BSDC1: variants seen among roughly 807,000 people sequenced by gnomAD.
The protein encoded by BSDC1 is BSD domain-containing protein 1.
In BSDC1, 29 loss-of-function variants were observed where a neutral mutation model predicts 56.0. That is an observed-to-expected ratio of 0.52 (90% CI 0.39 to 0.71). The LOEUF (loss-of-function observed/expected upper bound fraction) is 0.71, where lower values mean the gene tolerates loss of function less well. BSDC1 is among the 30% of genes least tolerant of loss of function. BSDC1 has a pLI of 0.00. For synonymous variants in BSDC1, 210 were observed against 215.3 expected, an observed-to-expected ratio of 0.98 and a Z score of 0.21; for missense variants, 477 against 548.5, an observed-to-expected ratio of 0.87 and a Z score of 1.30.
intron 9 of BSDC1, chr1:32,369,167 G>A (rs1364479890): frequency 1.2e-6 from 1 of 819,930 alleles, no homozygotes; most frequent in Non-Finnish European, 1.7e-6. Flanking sequence ...GAACACTGTA[G>A]GCTGTTAGAG....
chr1:32,384,667 C>T (rs1254188867), intron 3 of BSDC1, among the ~76,000 whole-genome samples: 2 of 152,122 alleles, frequency 1.3e-5, no homozygotes, highest in African/African-American at 4.8e-5. Flanking sequence ...CTGGGACCAA[C>T]TGAGGGTCAC....
intron 10 of BSDC1, chr1:32,367,789 C>T: frequency 1.1e-6 from 1 of 902,070 alleles, no homozygotes; most frequent in Non-Finnish European, 1.3e-6. Flanking sequence ...GTGCTGGTCA[C>T]CATGTCTCAG....
At chr1:32,368,286 ATGT>A (rs772841596) in intron 10 of BSDC1, 158 bp downstream of exon 10, 2 of 1,570,428 alleles carry the variant, frequency 1.3e-6, no homozygotes, top group Admixed American at 1.8e-5. Context: ...CTGATGACCA[ATGT>A]TGTGGGTCTG....
chr1:32,386,829 T>C lies in BSDC1; in HGVS notation c.139A>G (p.Thr47Ala), dbSNP rs751831949. The C allele has an allele frequency of 1.9e-6, 3 of 1,612,412 alleles. No homozygotes were observed. The highest frequency in any genetic ancestry group is 1.7e-6 in the Non-Finnish European group (2 of 1,180,046). ...TEFTQVVQHD[T>A]ACTIAATASV... is the part of the protein sequence containing the mutation. ...GCCGTGGCTGCGATGGTACAGGCCG[T>C]GTCATGCTGCACCACCTGGGTAAAC... The change falls in exon 3 of 11, where the codon ACG becomes GCG. Residue 47 changes from threonine to alanine, a missense_variant. By Grantham distance (58) the Thr-to-Ala change is moderately conservative. Transcript: ENST00000455895.
At chr1:32,394,229 C>G in intron 1 of BSDC1, 89 bp from the exon 2 acceptor site, 1 of 1,563,970 alleles carries the variant, frequency 6.4e-7, no homozygotes, top group Non-Finnish European at 8.7e-7. Flanking sequence ...ATGTACCCTG[C>G]GGGCCGAGGC....
chr1:32,372,265 T>C (rs970130606), intron 9 of BSDC1, among the ~76,000 whole-genome samples: 2 of 152,248 alleles, frequency 1.3e-5, no homozygotes, highest in African/African-American at 4.8e-5. Flanking sequence ...CATCCCTCTG[T>C]GCCTTCAGGA....
chr1:32,376,413 C>A lies in BSDC1; in HGVS notation c.1005G>T (p.Lys335Asn). The A allele has an allele frequency of 1.2e-6, 2 of 1,613,794 alleles. No homozygotes were observed. The highest frequency in any genetic ancestry group is 1.7e-6 in the Non-Finnish European group (2 of 1,179,740). Residue 335 changes from lysine to asparagine, a missense_variant, in exon 9 of 11, where the codon AAG (lysine) becomes AAT (asparagine). Physicochemically the swap from Lys to Asn is moderately conservative, Grantham distance 94. Transcript: ENST00000455895. ...ETGPSPPIHS[K>N]PLTPAGHTGG... ...CGGTGTGGCCAGCAGGCGTTAGGGG[C>A]TTGGAGTGAATAGGGGGTGAGGGTC...
At chr1:32,374,134 T>A (rs1642194249) in intron 9 of BSDC1, among the ~76,000 whole-genome samples, 1 of 152,298 alleles carries the variant, frequency 6.6e-6, no homozygotes, top group Non-Finnish European at 1.5e-5. Flanking sequence ...TGAGAAAAAG[T>A]ACACAGATCT....
chr1:32,383,866 T>C lies in BSDC1; in HGVS notation c.321A>G (p.Thr107=), dbSNP rs1418062003. 8 of 1,612,174 alleles carry C rather than the reference T, an allele frequency of 5.0e-6. No homozygotes were observed. Among genetic ancestry groups the C allele is most frequent in the South Asian group, 2.2e-5 (2 of 91,012 alleles). Residue 107 remains threonine (T), a synonymous_variant, in exon 4 of 11, where the codon ACA becomes ACG. Coordinates refer to ENST00000455895, the MANE Select transcript of BSDC1 (RefSeq NM_018045.8). ...IDCDVITLMG[T]PSGTAEPYDG... ...CATAGGGCTCAGCTGTGCCAGACGG[T>C]GTGCCCATCAGGGTGATGACATCGC...
chr1:32,386,179 C>T (rs1166848257), intron 3 of BSDC1, among the ~76,000 whole-genome samples: 2 of 151,888 alleles, frequency 1.3e-5, no homozygotes, highest in African/African-American at 2.4e-5. Flanking sequence ...ACTAGCCAGG[C>T]GTGGTGGCGG....
Position 32,370,932 on chromosome 1 carries a change from T to C in BSDC1, c.1157-2382A>G, listed in dbSNP as rs142940166. Among the ~76,000 whole-genome samples, 641 of 151,408 alleles carry C rather than the reference T, an allele frequency of 4.2e-3. 5 individuals are homozygous for C. The highest frequency in any genetic ancestry group is 0.013 in the African/African-American group (552 of 41,278). ...TTTTGACTGCATGGCCCAAAAAGCC[T>C]AAAATATTTATGGTCTGGTCCTATA... is the stretch of plus-strand genomic sequence containing the variant. On this transcript the variant is annotated intron_variant, in intron 9 of 10. Coordinates refer to ENST00000455895, the MANE Select transcript of BSDC1 (RefSeq NM_018045.8).
chr1:32,376,117 T>C (rs1642270361), intron 9 of BSDC1, 145 bp downstream of exon 9: 11 of 799,332 alleles, frequency 1.4e-5, no homozygotes, highest in Admixed American at 3.0e-5. Flanking sequence ...TGTTAGCAAA[T>C]AGTCAATATA....
chr1:32,387,647 AT>A (rs755938020), intron 2 of BSDC1, among the ~76,000 whole-genome samples: 30 of 152,170 alleles, frequency 2.0e-4, no homozygotes, highest in South Asian at 8.3e-4. Context: ...AAGGCATGTG[AT>A]TTTTTTTATC....
At position 32,378,887 on chromosome 1, in the gene BSDC1, G is replaced by T; in HGVS notation, c.413-48C>A. 7.9e-7 allele frequency: 1 copy of T among 1,261,934 alleles called. No individual in the cohort carries two copies. The highest frequency in any genetic ancestry group is 1.1e-6 in the Non-Finnish European group (1 of 934,134). 78.2% of individuals were successfully genotyped at this position (1,261,934 alleles called of 1,614,324 possible). ...GGTCAGTTGCCTTGGTCTGGGAAAA[G>T]AACACTGGGCTTACAGAACATATCT... On this transcript the variant is annotated intron_variant, in intron 5 of 10. Coordinates refer to ENST00000455895, the MANE Select transcript of BSDC1 (RefSeq NM_018045.8). The surrounding 1 kb of genome is among the most constrained non-coding windows in gnomAD (Gnocchi z 5.2).
At position 32,378,820 on chromosome 1, in the gene BSDC1, G is replaced by A. The variant is rs776599976; in HGVS notation, c.432C>T (p.Asp144=). The change falls in exon 6 of 11, where the codon GAC becomes GAT. Residue 144 remains aspartate (D), a synonymous_variant. Transcript: ENST00000455895. This position sits in a 1 kb window ranked among gnomAD's most constrained non-coding sequence, Gnocchi z 5.2. ...NEPDGPPELF[D]AWLSQFCLEE... ...CCAAGCAGAACTGGGAAAGCCAGGC[G>A]TCAAACAATTCCGGGGGCCCTGCAG... The A allele has an allele frequency of 2.4e-5, 37 of 1,530,316 alleles. No individual in the cohort carries two copies. Among genetic ancestry groups the A allele is most frequent in the South Asian group, 1.7e-4 (14 of 80,592 alleles). The allele number at this position is 1,530,316 out of a possible 1,614,324, so 94.8% of individuals were successfully genotyped here.
chr1:32,394,373 C>A (rs747948237), intron 1 of BSDC1, 31 bp downstream of exon 1: 1 of 1,614,064 alleles, frequency 6.2e-7, no homozygotes. Context: ...AATTCAGGCC[C>A]CAACGCCTAG....
At chr1:32,367,174 C>G (rs1265362063) in intron 10 of BSDC1, 1 of 985,762 alleles carries the variant, frequency 1.0e-6, no homozygotes, top group Non-Finnish European at 1.2e-6. Context: ...TAGGTCTTCA[C>G]TAGGGGCACC....
At chr1:32,384,147 G>C in intron 3 of BSDC1, 150 bp from the exon 4 acceptor site, 1 of 1,084,840 alleles carries the variant, frequency 9.2e-7, no homozygotes, top group Non-Finnish European at 1.3e-6. Flanking sequence ...GGCTGCAGGA[G>C]AGGGAGGAGG....
chr1:32,366,712 C>G, intron 10 of BSDC1, 58 bp from the exon 11 acceptor site: 1 of 1,447,760 alleles, frequency 6.9e-7, no homozygotes, highest in Non-Finnish European at 9.1e-7. Context: ...TGAGTCAGGC[C>G]CAGACCTAAC....
Sources: gnomAD v4.1 joint callset for allele counts (sites outside exome capture counted in the v4.1 genomes callset) on GRCh38, gnomAD v4.1.1 for gene constraint, Gnocchi (gnomAD v3.1) non-coding constraint, MANE v1.5 for transcripts, NCBI Gene and HGNC (gene_info 2026-07-23, HGNC 2026-07-21) for gene names.